PDE1C: variants seen among roughly 807,000 people sequenced by gnomAD.
PDE1C encodes phosphodiesterase 1C.
PDE1C carries 62 observed loss-of-function variants against 93.1 expected under a neutral mutation model. That is an observed-to-expected ratio of 0.67 (90% CI 0.54 to 0.82). The LOEUF (loss-of-function observed/expected upper bound fraction) is 0.82. Ranked by LOEUF, PDE1C falls within the 40% of genes least tolerant of loss-of-function variation. The pLI, the probability that PDE1C is intolerant of heterozygous loss-of-function variation, is 0.00. For synonymous variants in PDE1C, 325 were observed against 310.1 expected, an observed-to-expected ratio of 1.05 and a Z score of -0.50; for missense variants, 742 against 884.6, an observed-to-expected ratio of 0.84 and a Z score of 2.04.
At chr7:31,673,435 T>C in the PDE1C span, among the ~76,000 whole-genome samples, 1 of 152,158 alleles carries the variant, frequency 6.6e-6, no homozygotes, top group Non-Finnish European at 1.5e-5. Flanking sequence ...AAGATGTGTG[T>C]GTCTCTCTCT....
intron 16 of PDE1C, among the ~76,000 whole-genome samples, chr7:31,781,281 T>C (rs965894955): frequency 4.6e-5 from 7 of 151,996 alleles, no homozygotes; most frequent in Non-Finnish European, 8.8e-5. Flanking sequence ...GGAGAAAGGG[T>C]GATTTAAGAG....
chr7:32,212,042 A>AG (rs1483765539), intron 1 of PDE1C, among the ~76,000 whole-genome samples: 16 of 150,584 alleles, frequency 1.1e-4, no homozygotes, highest in African/African-American at 3.4e-4. Flanking sequence ...AAAAAAAAAA[A>AG]AAAGAAAGAA....
the PDE1C span, among the ~76,000 whole-genome samples, chr7:31,673,503 T>C: frequency 2.6e-5 from 4 of 152,172 alleles, no homozygotes; most frequent in Non-Finnish European, 5.9e-5. Context: ...GTTATGTACA[T>C]TGCAAACTGA....
chr7:32,197,719 A>G (rs1042381384), intron 2 of PDE1C, among the ~76,000 whole-genome samples: 7 of 152,208 alleles, frequency 4.6e-5, no homozygotes, highest in Non-Finnish European at 1.0e-4. Flanking sequence ...ATATTGTATG[A>G]CTTCATTTAT....
chr7:32,103,908 C>T (rs12669745), intron 3 of PDE1C, among the ~76,000 whole-genome samples: 67,571 of 151,592 alleles, frequency 0.45, 15,375 homozygotes, highest in African/African-American at 0.5. Flanking sequence ...CTATTAGAAA[C>T]GAAAAGTACA....
intron 2 of PDE1C, among the ~76,000 whole-genome samples, chr7:32,049,593 C>G (rs1793069744): frequency 6.6e-6 from 1 of 152,148 alleles, no homozygotes; most frequent in South Asian, 2.1e-4. Flanking sequence ...ACAGGAATCT[C>G]TACTGTGAGA....
chr7:31,935,424 T>A (rs1804906314), intron 2 of PDE1C, among the ~76,000 whole-genome samples: 1 of 152,148 alleles, frequency 6.6e-6, no homozygotes, highest in Non-Finnish European at 1.5e-5. Context: ...CACAAGTTCA[T>A]CCTTCTCTAA....
At chr7:31,625,155 A>G in the PDE1C span, among the ~76,000 whole-genome samples, 3 of 152,136 alleles carry the variant, frequency 2.0e-5, no homozygotes, top group African/African-American at 4.8e-5. Flanking sequence ...AGAAATAGGA[A>G]CACTTTTACA....
chr7:31,737,576 C>T, the PDE1C span, among the ~76,000 whole-genome samples: 91 of 152,028 alleles, frequency 6.0e-4, no homozygotes, highest in African/African-American at 1.9e-3. Flanking sequence ...CTGAAGTGGG[C>T]GGATCACCTG....
the PDE1C span, among the ~76,000 whole-genome samples, chr7:31,682,988 A>C: frequency 6.6e-6 from 1 of 152,152 alleles, no homozygotes; most frequent in South Asian, 2.1e-4. Context: ...GGAGTCTGGG[A>C]GGGTAAAGGG....
the PDE1C span, among the ~76,000 whole-genome samples, chr7:31,679,803 G>C: frequency 3.0e-4 from 45 of 152,182 alleles, no homozygotes; most frequent in Non-Finnish European, 5.4e-4. Context: ...ATGAACGCTT[G>C]AGGTAATGTT....
At chr7:31,974,600 T>C (rs796249369) in intron 2 of PDE1C, among the ~76,000 whole-genome samples, 17 of 152,230 alleles carry the variant, frequency 1.1e-4, no homozygotes, top group African/African-American at 4.1e-4. Context: ...AAACTGAGTG[T>C]TGAACACATA....
At position 31,798,157 on chromosome 7, in the gene PDE1C, G is replaced by A. The variant is rs545275559; in HGVS notation, c.1891+10874C>T. ...AAACCACCAACTGGCCAGTTGACAT[G>A]AGGATCCCAGCATATGTGGAGTATA... On this transcript the variant is annotated intron_variant, in intron 16 of 17. Transcript: ENST00000396191. Among the ~76,000 whole-genome samples, 37 of 151,910 alleles carry A rather than the reference G, an allele frequency of 2.4e-4. 1 individual carries two copies. Among genetic ancestry groups the A allele is most frequent in the South Asian group, 6.2e-4 (3 of 4,824 alleles).
chr7:32,126,232 G>GATAA (rs1254740214), intron 3 of PDE1C, among the ~76,000 whole-genome samples: 2 of 151,560 alleles, frequency 1.3e-5, no homozygotes, highest in Non-Finnish European at 2.9e-5. Flanking sequence ...TAGATAGATA[G>GATAA]ATAGATAGAT....
At chr7:32,394,198 T>C (rs1784801927) in intron 1 of PDE1C, among the ~76,000 whole-genome samples, 1 of 152,214 alleles carries the variant, frequency 6.6e-6, no homozygotes, top group East Asian at 1.9e-4. Flanking sequence ...GTCTCTCTGA[T>C]TAAATGTTTC....
rs558149608 is a variant in PDE1C, at chr7:31,816,059, C to T, written c.1678G>A (p.Ala560Thr). 19 of 1,613,960 alleles carry T rather than the reference C, an allele frequency of 1.2e-5. No individual in the cohort carries two copies. Among genetic ancestry groups the T allele is most frequent in the Middle Eastern group, 3.3e-4 (2 of 6,060 alleles). ...MEAKSQAEEG[A>T]SGKAEKKTSG... The stretch of plus-strand genomic sequence containing the variant: ...GTCTTTTTCTCAGCTTTGCCAGATG[C>T]GCCTTCTTCAGCCTGGCTTTTGGCT... Residue 560 changes from alanine to threonine, a missense_variant, in exon 15 of 18, where the codon GCA becomes ACA. Transcript: ENST00000396191.
chr7:32,144,348 C>A (rs1296171932), intron 3 of PDE1C, among the ~76,000 whole-genome samples: 1 of 152,180 alleles, frequency 6.6e-6, no homozygotes, highest in Non-Finnish European at 1.5e-5. Context: ...TGAATACTAC[C>A]AGCTTGGCAG....
At chr7:32,162,593 C>T (rs904504724) in intron 3 of PDE1C, among the ~76,000 whole-genome samples, 7 of 152,082 alleles carry the variant, frequency 4.6e-5, no homozygotes, top group Admixed American at 2.6e-4. Context: ...TCAGCAAGGC[C>T]GTTAGTGAGT....
the PDE1C span, among the ~76,000 whole-genome samples, chr7:31,701,260 C>T: frequency 6.6e-6 from 1 of 152,094 alleles, no homozygotes; most frequent in Admixed American, 6.6e-5. Context: ...AAGTTGATTC[C>T]AACCTTTATG....
Sources: gnomAD v4.1 joint callset for allele counts (sites outside exome capture counted in the v4.1 genomes callset) on GRCh38, gnomAD v4.1.1 for gene constraint, MANE v1.5 for transcripts, NCBI Gene and HGNC (gene_info 2026-07-23, HGNC 2026-07-21) for gene names.